Variants in CMIP observed in about 807,000 individuals in gnomAD.
The protein encoded by CMIP is C-Maf-inducing protein.
Under a neutral mutation model 97.3 loss-of-function variants are expected in CMIP, and 13 were observed. The observed-to-expected ratio is 0.13, with a 90% CI of 0.09 to 0.21. The LOEUF is 0.21. Ranked by LOEUF, CMIP falls within the 10% of genes least tolerant of loss-of-function variation. The pLI, the probability that CMIP is intolerant of heterozygous loss-of-function variation, is 1.00. For missense variants in CMIP, 847 were observed against 1,024.9 expected (o/e 0.83, Z 2.37); for synonymous variants, 538 against 436.3 (o/e 1.23, Z -2.91).
intron 1 of CMIP, among the ~76,000 whole-genome samples, chr16:81,456,092 C>T (rs560780987): frequency 6.6e-6 from 1 of 152,290 alleles, no homozygotes; most frequent in East Asian, 1.9e-4. Context: ...GTTTCACGAC[C>T]CTGTGACTGA....
intron 2 of CMIP, among the ~76,000 whole-genome samples, chr16:81,615,258 A>G (rs543642238): frequency 2.4e-4 from 31 of 127,868 alleles, no homozygotes; most frequent in African/African-American, 9.2e-4. Context: ...TGTGTGGTGT[A>G]TGTGTCTACG....
intron 1 of CMIP, among the ~76,000 whole-genome samples, chr16:81,458,660 C>T (rs932822475): frequency 6.6e-6 from 1 of 152,176 alleles, no homozygotes; most frequent in African/African-American, 2.4e-5. Context: ...AATCCCCTGC[C>T]TGCCCAGGTC....
intron 1 of CMIP, among the ~76,000 whole-genome samples, chr16:81,463,134 A>C (rs924741961): frequency 6.6e-6 from 1 of 152,202 alleles, no homozygotes; most frequent in Admixed American, 6.5e-5. Flanking sequence ...CTGGATACCA[A>C]GGACTTCACC....
At chr16:81,474,349 C>T (rs1310034382) in intron 1 of CMIP, among the ~76,000 whole-genome samples, 1 of 152,036 alleles carries the variant, frequency 6.6e-6, no homozygotes, top group African/African-American at 2.4e-5. Context: ...TCTCCTGCAC[C>T]CTCTTTTTCC....
intron 1 of CMIP, among the ~76,000 whole-genome samples, chr16:81,492,819 G>A (rs1448184463): frequency 6.6e-6 from 1 of 151,920 alleles, no homozygotes. Context: ...GTCGTGGGGG[G>A]TCGGGGAGAA....
At chr16:81,582,991 C>T (rs543442721) in intron 1 of CMIP, among the ~76,000 whole-genome samples, 27 of 152,122 alleles carry the variant, frequency 1.8e-4, no homozygotes, top group Non-Finnish European at 3.7e-4. Context: ...ATTGCATCAG[C>T]AAGAAAGGGC....
intron 1 of CMIP, among the ~76,000 whole-genome samples, chr16:81,553,654 C>T (rs754637983): frequency 2.6e-5 from 4 of 152,226 alleles, no homozygotes; most frequent in Non-Finnish European, 2.9e-5. Context: ...GAAGGCTGGG[C>T]GTGCTCCGCC....
chr16:81,645,585 C>T, intron 3 of CMIP: 1 of 1,536,020 alleles, frequency 6.5e-7, no homozygotes, highest in African/African-American at 1.4e-5. Context: ...AGAGCGATGG[C>T]AAGTGTTGCC....
intron 1 of CMIP, among the ~76,000 whole-genome samples, chr16:81,555,425 T>C (rs1334715811): frequency 6.6e-6 from 1 of 152,066 alleles, no homozygotes; most frequent in Non-Finnish European, 1.5e-5. Flanking sequence ...GAATTCATGC[T>C]CTCAGCAGGG....
rs77184030 is a variant in CMIP, at chr16:81,470,436, A to T, written c.300+24895A>T. Reference sequence around the variant, plus strand: ...CGTTTGCACAGAGGCCGGGTCACAGAGACAGATGTTTCAGAAGTTTGACCT... The same window carrying T: ...CGTTTGCACAGAGGCCGGGTCACAGTGACAGATGTTTCAGAAGTTTGACCT... On this transcript the variant is annotated intron_variant, in intron 1 of 20. Transcript: ENST00000537098. Among the ~76,000 whole-genome samples the T allele has an allele frequency of 9.7e-3, 1,472 of 152,326 alleles. 33 individuals are homozygous for T. The highest frequency in any genetic ancestry group is 0.034 in the African/African-American group (1,395 of 41,572).
chr16:81,519,501 G>A (rs567009276), intron 1 of CMIP: 5 of 152,334 alleles, frequency 3.3e-5, no homozygotes. Flanking sequence ...GGCCTCCCAT[G>A]CCCCAGGGCA....
At chr16:81,638,346 T>C (rs2092262731) in intron 3 of CMIP, among the ~76,000 whole-genome samples, 1 of 152,154 alleles carries the variant, frequency 6.6e-6, no homozygotes, top group South Asian at 2.1e-4. Context: ...AGTTTGCCTC[T>C]CTTAGTGAAT....
chr16:81,458,698 C>A (rs1049132820), intron 1 of CMIP, among the ~76,000 whole-genome samples: 5 of 152,110 alleles, frequency 3.3e-5, no homozygotes, highest in African/African-American at 1.2e-4. Context: ...GGACAGTGAT[C>A]GGGCAGGTTG....
At chr16:81,560,223 GTT>G (rs758040541) in intron 1 of CMIP, among the ~76,000 whole-genome samples, 1 of 108,480 alleles carries the variant, frequency 9.2e-6, no homozygotes. Flanking sequence ...GTTTTGTTTT[GTT>G]TTTTTTTTTT....
At position 81,614,936 on chromosome 16, in the gene CMIP, G is replaced by C; in HGVS notation, c.427-5940G>C. Reference sequence around the variant, plus strand: ...TGGTGTGCATAGTGTGTATCTCTGTGTGTGGTGTGTGCATGTGTGTGGTGT... The same window carrying C: ...TGGTGTGCATAGTGTGTATCTCTGTCTGTGGTGTGTGCATGTGTGTGGTGT... On this transcript the variant is annotated intron_variant, in intron 2 of 20. Coordinates refer to ENST00000537098, the MANE Select transcript of CMIP (RefSeq NM_198390.3). The surrounding 1 kb of genome is among the most constrained non-coding windows in gnomAD (Gnocchi z 5.3). Among the ~76,000 whole-genome samples, 1 of 151,462 alleles carries C rather than the reference G, an allele frequency of 6.6e-6. No homozygotes were observed. Among genetic ancestry groups the C allele is most frequent in the East Asian group, 1.9e-4 (1 of 5,164 alleles).
intron 1 of CMIP, among the ~76,000 whole-genome samples, 155 bp from the exon 2 acceptor site, chr16:81,607,412 G>A (rs1168476423): frequency 2.6e-5 from 4 of 152,258 alleles, no homozygotes; most frequent in Non-Finnish European, 4.4e-5. Context: ...CAGAAACAGG[G>A]AGGCTTGCTT....
intron 4 of CMIP, among the ~76,000 whole-genome samples, chr16:81,653,609 A>T (rs1275953313): frequency 6.6e-6 from 1 of 152,208 alleles, no homozygotes; most frequent in Non-Finnish European, 1.5e-5. Flanking sequence ...CATCTGGAGA[A>T]GGGGTCCCTG....
chr16:81,556,451 G>A (rs545887535), intron 1 of CMIP, among the ~76,000 whole-genome samples: 47 of 152,144 alleles, frequency 3.1e-4, no homozygotes, highest in Non-Finnish European at 4.9e-4. Context: ...TTTTATATTC[G>A]CGCCAACAAT....
At chr16:81,473,502 T>TC (rs1907687071) in intron 1 of CMIP, among the ~76,000 whole-genome samples, 1 of 151,724 alleles carries the variant, frequency 6.6e-6, no homozygotes, top group African/African-American at 2.4e-5. Context: ...TTTTTTTTTT[T>TC]CCATCCTATG....
Sources: allele counts gnomAD v4.1 joint callset (sites outside exome capture counted in the v4.1 genomes callset), GRCh38; gene constraint gnomAD v4.1.1; non-coding constraint Gnocchi (gnomAD v3.1); transcripts MANE v1.5; gene names NCBI Gene and HGNC (gene_info 2026-07-23, HGNC 2026-07-21).